The following SCMH1 variants were observed in gnomAD, a reference collection of about 807,000 sequenced individuals.
SCMH1 encodes polycomb protein SCMH1.
A neutral mutation model predicts 70.8 loss-of-function variants in SCMH1; 37 were observed. The ratio of observed to expected loss-of-function variants is 0.52; its 90% confidence interval spans 0.40 to 0.69. SCMH1 has a LOEUF of 0.69. SCMH1 is among the 30% of genes least tolerant of loss of function. The pLI is 0.00. For synonymous variants in SCMH1, 292 were observed against 307.4 expected, an observed-to-expected ratio of 0.95 and a Z score of 0.52; for missense variants, 607 against 827.3, an observed-to-expected ratio of 0.73 and a Z score of 3.27.
At position 41,113,305 on chromosome 1, in the gene SCMH1, G is replaced by T; in HGVS notation, c.723C>A (p.Asn241Lys). The T allele has an allele frequency of 1.9e-6, 3 of 1,613,746 alleles. No individual in the cohort carries two copies. The highest frequency in any genetic ancestry group is 2.5e-6 in the Non-Finnish European group (3 of 1,179,872). Residue 241 changes from asparagine (N) to lysine (K), a missense_variant, in exon 8 of 15, where the codon AAC (asparagine) becomes AAA (lysine). Around this residue, in one of 3 missense-constraint regions of SCMH1, gnomAD observed 430 missense variants for 528.2 expected, o/e 0.81. Transcript: ENST00000337495. The surrounding 1 kb of genome is among the most constrained non-coding windows in gnomAD (Gnocchi z 4.3). Reference sequence around the variant, plus strand: ...TACCTTTGGTGCCAGGAGGCTGCAGGTTGTCTCCAGTCAAGGAACACCAGC... The same window carrying T: ...TACCTTTGGTGCCAGGAGGCTGCAGTTTGTCTCCAGTCAAGGAACACCAGC...
At chr1:41,065,291 C>T (rs1252553895) in intron 10 of SCMH1, among the ~76,000 whole-genome samples, 1 of 152,120 alleles carries the variant, frequency 6.6e-6, no homozygotes, top group Non-Finnish European at 1.5e-5. Context: ...GAGACCTGGG[C>T]AACATAGTGA....
chr1:41,126,778 G>A (rs1156890998), intron 6 of SCMH1, among the ~76,000 whole-genome samples: 1 of 152,046 alleles, frequency 6.6e-6, no homozygotes, highest in African/African-American at 2.4e-5. Flanking sequence ...TTGTGTGAAT[G>A]TACTATATAA....
At chr1:41,056,319 C>A (rs960013553) in intron 10 of SCMH1, among the ~76,000 whole-genome samples, 1 of 152,184 alleles carries the variant, frequency 6.6e-6, no homozygotes, top group Non-Finnish European at 1.5e-5. Flanking sequence ...CCAACTGATG[C>A]CATGTGGCGC....
intron 1 of SCMH1, among the ~76,000 whole-genome samples, chr1:41,214,138 C>A (rs528809290): frequency 2.6e-5 from 4 of 152,184 alleles, no homozygotes; most frequent in Non-Finnish European, 5.9e-5. Context: ...GGCTCAGAGA[C>A]TAACTTAACC....
intron 6 of SCMH1, among the ~76,000 whole-genome samples, chr1:41,118,504 A>T (rs1371526422): frequency 6.6e-6 from 1 of 152,180 alleles, no homozygotes; most frequent in Non-Finnish European, 1.5e-5. Context: ...AAACTAACTC[A>T]CTACTTCTCT....
intron 2 of SCMH1, among the ~76,000 whole-genome samples, chr1:41,173,443 T>C (rs1023369367): frequency 4.6e-5 from 7 of 152,110 alleles, no homozygotes; most frequent in African/African-American, 1.7e-4. Flanking sequence ...TTACAGTGGC[T>C]ACTAGTAAAA....
chr1:41,131,856 A>G (rs1674818008), intron 6 of SCMH1, among the ~76,000 whole-genome samples: 1 of 152,172 alleles, frequency 6.6e-6, no homozygotes, highest in African/African-American at 2.4e-5. Flanking sequence ...AGCTTCATCC[A>G]TGTCCCTACA....
At chr1:41,202,533 T>C (rs1178547534) in intron 1 of SCMH1, among the ~76,000 whole-genome samples, 1 of 152,212 alleles carries the variant, frequency 6.6e-6, no homozygotes, top group East Asian at 1.9e-4. Context: ...TACCATACTA[T>C]TTAATAGTGT....
At chr1:41,150,281 T>C (rs1042354514) in intron 5 of SCMH1, among the ~76,000 whole-genome samples, 1 of 152,120 alleles carries the variant, frequency 6.6e-6, no homozygotes, top group Non-Finnish European at 1.5e-5. Flanking sequence ...GGTGGGTGGA[T>C]CACCTGAAAT....
chr1:41,239,910 T>C (rs942150085), intron 1 of SCMH1, among the ~76,000 whole-genome samples: 3 of 152,192 alleles, frequency 2.0e-5, no homozygotes, highest in Non-Finnish European at 4.4e-5. Flanking sequence ...GCTGGGATTA[T>C]AGGCATGAGC....
chr1:41,238,244 A>T (rs1455804125), intron 1 of SCMH1, among the ~76,000 whole-genome samples: 1 of 152,128 alleles, frequency 6.6e-6, no homozygotes, highest in Non-Finnish European at 1.5e-5. Context: ...CCCACTAATG[A>T]TCATCAGAGG....
At chr1:41,185,908 A>G (rs910479243) in intron 2 of SCMH1, 1 of 366,958 alleles carries the variant, frequency 2.7e-6, no homozygotes, top group South Asian at 4.1e-5. Flanking sequence ...TACAGGCATG[A>G]GCCACCGAGA....
intron 6 of SCMH1, among the ~76,000 whole-genome samples, chr1:41,138,195 T>C (rs536208454): frequency 6.6e-6 from 1 of 152,328 alleles, no homozygotes; most frequent in East Asian, 1.9e-4. Flanking sequence ...TGTAAAAGAC[T>C]TGGCTTTTTT....
At chr1:41,209,284 G>A (rs1412010514) in intron 1 of SCMH1, among the ~76,000 whole-genome samples, 2 of 152,208 alleles carry the variant, frequency 1.3e-5, no homozygotes, top group East Asian at 3.9e-4. Flanking sequence ...CTCTACCAGA[G>A]GTACAAAGAG....
At chr1:41,119,909 A>T (rs755675960) in intron 6 of SCMH1, among the ~76,000 whole-genome samples, 1 of 152,108 alleles carries the variant, frequency 6.6e-6, no homozygotes, top group Non-Finnish European at 1.5e-5. Context: ...TCTTCTTTTG[A>T]CAATGGTTTA....
chr1:41,236,851 A>T (rs1450701168), intron 1 of SCMH1, among the ~76,000 whole-genome samples: 2 of 152,248 alleles, frequency 1.3e-5, no homozygotes, highest in Non-Finnish European at 2.9e-5. Flanking sequence ...TCCTTTTTCC[A>T]TATTTTCAAT....
chr1:41,031,066 C>G (rs912574599), intron 13 of SCMH1, among the ~76,000 whole-genome samples: 1 of 152,046 alleles, frequency 6.6e-6, no homozygotes, highest in Non-Finnish European at 1.5e-5. Flanking sequence ...GCAGGAGGAT[C>G]GCTTGAGGCC....
At chr1:41,118,692 C>A (rs888474450) in intron 6 of SCMH1, among the ~76,000 whole-genome samples, 2 of 152,188 alleles carry the variant, frequency 1.3e-5, no homozygotes, top group African/African-American at 4.8e-5. Context: ...TCCATTATCA[C>A]CTATCAATGA....
chr1:41,207,858 G>A (rs980331400), intron 1 of SCMH1, among the ~76,000 whole-genome samples: 5 of 151,288 alleles, frequency 3.3e-5, no homozygotes, highest in African/African-American at 1.2e-4. Flanking sequence ...CATTGTGGAA[G>A]TCAGTGTGGC....
Sources: allele counts gnomAD v4.1 joint callset (sites outside exome capture counted in the v4.1 genomes callset), GRCh38; gene constraint gnomAD v4.1.1; regional missense constraint gnomAD v4.1.1; non-coding constraint Gnocchi (gnomAD v3.1); transcripts MANE v1.5; gene names NCBI Gene and HGNC (gene_info 2026-07-23, HGNC 2026-07-21).